The following ABL2 variants were observed in gnomAD, a reference collection of about 807,000 sequenced individuals.
ABL2 encodes the protein tyrosine-protein kinase ABL2.
A neutral mutation model predicts 107.7 loss-of-function variants in ABL2; 49 were observed. The observed-to-expected ratio is 0.45, with a 90% CI of 0.36 to 0.58. The LOEUF is 0.58. Ranked by LOEUF, ABL2 falls within the 20% of genes least tolerant of loss-of-function variation. ABL2 has a pLI of 0.00. For synonymous variants in ABL2, 549 were observed against 548.6 expected, an observed-to-expected ratio of 1.00 and a Z score of -0.01; for missense variants, 1,245 against 1,457.0, an observed-to-expected ratio of 0.85 and a Z score of 2.37.
At chr1:179,137,604 G>T (rs1479493469) in intron 1 of ABL2, among the ~76,000 whole-genome samples, 5 of 152,130 alleles carry the variant, frequency 3.3e-5, no homozygotes, top group Non-Finnish European at 5.9e-5. Context: ...CAACAACCAA[G>T]TTAGAAATAG....
At chr1:179,118,478 T>G in intron 7 of ABL2, 109 bp downstream of exon 7, 2 of 1,113,514 alleles carry the variant, frequency 1.8e-6, no homozygotes, top group South Asian at 3.0e-5. Context: ...AATACAAAAT[T>G]ACTTTCTTGA....
chr1:179,156,949 T>C (rs540116764), intron 1 of ABL2, among the ~76,000 whole-genome samples: 64 of 152,034 alleles, frequency 4.2e-4, no homozygotes, highest in Middle Eastern at 3.4e-3. Flanking sequence ...ATTAAATTAA[T>C]TTTTAATAGA....
At chr1:179,193,209 A>G (rs367756602) in intron 1 of ABL2, among the ~76,000 whole-genome samples, 1 of 152,206 alleles carries the variant, frequency 6.6e-6, no homozygotes, top group African/African-American at 2.4e-5. Flanking sequence ...CTGTTTTTCT[A>G]AAGTGCCCGA....
intron 1 of ABL2, among the ~76,000 whole-genome samples, chr1:179,211,399 A>G (rs1662264355): frequency 6.6e-6 from 1 of 151,942 alleles, no homozygotes; most frequent in Non-Finnish European, 1.5e-5. Flanking sequence ...GTATGTGCCT[A>G]TAGTCCCAGC....
intron 6 of ABL2, among the ~76,000 whole-genome samples, chr1:179,119,758 A>G (rs747780942): frequency 6.6e-6 from 1 of 152,102 alleles, no homozygotes; most frequent in Non-Finnish European, 1.5e-5. Context: ...TTTTGCAAAA[A>G]CATTTCATGA....
chr1:179,163,877 T>C (rs1659225757), intron 1 of ABL2, among the ~76,000 whole-genome samples: 1 of 152,174 alleles, frequency 6.6e-6, no homozygotes, highest in Admixed American at 6.5e-5. Context: ...TACAAAGGAA[T>C]GAAGTATTGA....
chr1:179,221,355 T>C (rs965986677), intron 1 of ABL2, among the ~76,000 whole-genome samples: 43 of 151,486 alleles, frequency 2.8e-4, no homozygotes, highest in African/African-American at 1.0e-3. Context: ...CGTTGGGAGG[T>C]CAAGGCAGGT....
chr1:179,205,542 G>T (rs1378105482), intron 1 of ABL2, among the ~76,000 whole-genome samples: 1 of 152,140 alleles, frequency 6.6e-6, no homozygotes, highest in Non-Finnish European at 1.5e-5. Flanking sequence ...CAGCTTTCTA[G>T]AACGATGGTT....
chr1:179,201,984 G>A (rs998020282), intron 1 of ABL2: 5 of 1,033,206 alleles, frequency 4.8e-6, no homozygotes, highest in Middle Eastern at 4.1e-4. Context: ...CCGAGGAACA[G>A]CAGGAGAGGA....
intron 1 of ABL2, among the ~76,000 whole-genome samples, chr1:179,224,134 CAAAAAAA>C (rs1181284107): frequency 3.5e-4 from 12 of 34,514 alleles, no homozygotes; most frequent in East Asian, 2.8e-3. Flanking sequence ...CTACTCACTA[CAAAAAAA>C]AAAAAAAAAA....
chr1:179,183,832 C>A, intron 1 of ABL2: 2 of 176,054 alleles, frequency 1.1e-5, no homozygotes, highest in South Asian at 1.3e-4. Context: ...CTTGGACTTT[C>A]CTAGCAGCAT....
At chr1:179,201,786 G>A (rs1174758203) in intron 1 of ABL2, 6 of 906,296 alleles carry the variant, frequency 6.6e-6, no homozygotes, top group African/African-American at 1.7e-5. Context: ...CCACAGAATC[G>A]GTTGAGGTGG....
chr1:179,186,304 T>C (rs1041793050), intron 1 of ABL2, among the ~76,000 whole-genome samples: 9 of 152,188 alleles, frequency 5.9e-5, no homozygotes, highest in Non-Finnish European at 1.3e-4. Flanking sequence ...TAATGTATAC[T>C]AGCCTTGGAA....
At chr1:179,170,634 C>T (rs1313709950) in intron 1 of ABL2, among the ~76,000 whole-genome samples, 1 of 152,068 alleles carries the variant, frequency 6.6e-6, no homozygotes, top group Non-Finnish European at 1.5e-5. Flanking sequence ...CTCGCTCTGT[C>T]ACCCAGCTGG....
intron 1 of ABL2, among the ~76,000 whole-genome samples, chr1:179,152,786 T>C (rs1278375757): frequency 6.6e-6 from 1 of 152,190 alleles, no homozygotes; most frequent in Non-Finnish European, 1.5e-5. Flanking sequence ...AAAAGTCTGC[T>C]GCAGAAAACT....
intron 1 of ABL2, among the ~76,000 whole-genome samples, chr1:179,147,649 C>T (rs2816184): frequency 0.5 from 75,221 of 151,944 alleles, 18,782 homozygotes; most frequent in Admixed American, 0.54. Context: ...TCATTGTAAG[C>T]GGGAGCTAAA....
At chr1:179,219,421 G>A (rs896994686) in intron 1 of ABL2, among the ~76,000 whole-genome samples, 9 of 152,150 alleles carry the variant, frequency 5.9e-5, no homozygotes, top group African/African-American at 2.2e-4. Flanking sequence ...AGGTCTTAAA[G>A]GATGTCAGAT....
chr1:179,115,039 G>A lies in ABL2; in HGVS notation c.1409-9C>T. Reference sequence around the variant, plus strand: ...CAACAATACCCCAAAAGCTGCATAAGGAATTAAAAAAAGCACTTAGTGTTT... The same window carrying A: ...CAACAATACCCCAAAAGCTGCATAAAGAATTAAAAAAAGCACTTAGTGTTT... On this transcript the variant is annotated splice_polypyrimidine_tract_variant and intron_variant, in intron 8 of 11. Coordinates refer to ENST00000502732, the MANE Select transcript of ABL2 (RefSeq NM_007314.4). 6.4e-7 allele frequency: 1 copy of A among 1,572,840 alleles called. No homozygotes were observed. The highest frequency in any genetic ancestry group is 1.2e-5 in the South Asian group (1 of 82,742).
intron 1 of ABL2, among the ~76,000 whole-genome samples, chr1:179,209,796 A>G (rs1349877920): frequency 6.6e-6 from 1 of 152,168 alleles, no homozygotes; most frequent in Non-Finnish European, 1.5e-5. Context: ...GGAGATTCAG[A>G]GAAATTCAGA....
Sources: gnomAD v4.1 joint callset for allele counts (sites outside exome capture counted in the v4.1 genomes callset) on GRCh38, gnomAD v4.1.1 for gene constraint, MANE v1.5 for transcripts, NCBI Gene and HGNC (gene_info 2026-07-23, HGNC 2026-07-21) for gene names.